Variants in VWC2 observed in about 807,000 individuals in gnomAD.
The protein encoded by VWC2 is brorin.
A neutral mutation model predicts 29.8 loss-of-function variants in VWC2; 14 were observed. The ratio of observed to expected loss-of-function variants is 0.47; its 90% CI spans 0.31 to 0.74. VWC2 has a LOEUF of 0.74. Among genes scored for constraint, VWC2 ranks in the 30% least tolerant of loss-of-function variants. The pLI is 0.05. For missense variants in VWC2, 457 were observed against 459.8 expected (o/e 0.99, Z 0.05); for synonymous variants, 213 against 199.0 (o/e 1.07, Z -0.59).
intron 3 of VWC2, among the ~76,000 whole-genome samples, chr7:49,812,872 T>C (rs989107998): frequency 6.6e-6 from 1 of 152,206 alleles, no homozygotes; most frequent in East Asian, 1.9e-4. Flanking sequence ...TCCTAAATTA[T>C]ATTTTGGTTT....
chr7:49,836,601 T>C (rs1027299946), intron 3 of VWC2, among the ~76,000 whole-genome samples: 6 of 151,562 alleles, frequency 4.0e-5, no homozygotes, highest in African/African-American at 1.5e-4. Context: ...ATCTCCCCAC[T>C]GCACTCCAGC....
chr7:49,785,047 G>A (rs1223426926), intron 2 of VWC2, among the ~76,000 whole-genome samples: 2 of 152,114 alleles, frequency 1.3e-5, no homozygotes, highest in Admixed American at 6.5e-5. Context: ...CATGGGTAAA[G>A]AACAGAAATA....
chr7:49,789,802 C>A (rs553704256), intron 2 of VWC2, among the ~76,000 whole-genome samples: 12 of 152,344 alleles, frequency 7.9e-5, no homozygotes, highest in African/African-American at 2.9e-4. Context: ...ATTTAGGAAT[C>A]TATAAATGAG....
chr7:49,859,790 G>GCGCACA (rs765470720), intron 3 of VWC2, among the ~76,000 whole-genome samples: 4 of 12,024 alleles, frequency 3.3e-4, no homozygotes, highest in Non-Finnish European at 6.9e-4. Flanking sequence ...GCGCGTGCGT[G>GCGCACA]CACACACACA....
At chr7:49,836,996 C>T (rs971016340) in intron 3 of VWC2, among the ~76,000 whole-genome samples, 1 of 152,184 alleles carries the variant, frequency 6.6e-6, no homozygotes, top group African/African-American at 2.4e-5. Flanking sequence ...TATATAGTCA[C>T]TAAATGCTTG....
intron 3 of VWC2, among the ~76,000 whole-genome samples, chr7:49,889,002 G>C (rs932885083): frequency 1.2e-4 from 19 of 152,202 alleles, no homozygotes; most frequent in Non-Finnish European, 2.4e-4. Context: ...CCATTGGGCT[G>C]ACGCAAGTAG....
intron 3 of VWC2, among the ~76,000 whole-genome samples, chr7:49,886,758 G>T (rs1174781871): frequency 3.9e-5 from 6 of 152,132 alleles, no homozygotes; most frequent in East Asian, 1.9e-4. Flanking sequence ...TTTCGATTCA[G>T]CCTTTCTGAA....
At chr7:49,846,944 T>G (rs1789966071) in intron 3 of VWC2, among the ~76,000 whole-genome samples, 1 of 152,220 alleles carries the variant, frequency 6.6e-6, no homozygotes, top group African/African-American at 2.4e-5. Context: ...AATTAGCAGT[T>G]TGACAGATTG....
At position 49,917,400 on chromosome 7, in the gene VWC2, A is replaced by G. The variant is rs967340502; in HGVS notation, c.*5215A>G. ...AGTATTCAGCCAAAGTTTCAATAGA[A>G]TTAGGAAACTTAAATGAAAATGTGC... On this transcript the variant is annotated 3_prime_UTR_variant, in exon 4 of 4. Transcript: ENST00000340652. 3.9e-5 allele frequency: 6 copies of G among 152,216 alleles called. No individual in the cohort carries two copies. The highest frequency in any genetic ancestry group is 1.4e-4 in the African/African-American group (6 of 41,462). 9.4% of individuals were successfully genotyped at this position (152,216 alleles called of 1,614,324 possible). A position where few individuals can be genotyped will look rare whatever the true frequency, so the allele number is the denominator to read the frequency against.
chr7:49,863,412 T>C (rs1372439727), intron 3 of VWC2, among the ~76,000 whole-genome samples: 1 of 152,178 alleles, frequency 6.6e-6, no homozygotes, highest in African/African-American at 2.4e-5. Flanking sequence ...TTTGGCTTTG[T>C]TGATTCTCTC....
intron 3 of VWC2, among the ~76,000 whole-genome samples, chr7:49,844,828 G>A (rs1022876248): frequency 2.0e-5 from 3 of 152,018 alleles, no homozygotes; most frequent in African/African-American, 7.2e-5. Context: ...GAGTAGCTGA[G>A]ATTACAGGTG....
At chr7:49,859,788 G>A (rs1284052819) in intron 3 of VWC2, among the ~76,000 whole-genome samples, 3 of 148,524 alleles carry the variant, frequency 2.0e-5, no homozygotes, top group South Asian at 2.1e-4. Context: ...GTGCGCGTGC[G>A]TGCACACACA....
chr7:49,833,465 A>C (rs1009250407), intron 3 of VWC2, among the ~76,000 whole-genome samples: 1 of 152,214 alleles, frequency 6.6e-6, no homozygotes, highest in Non-Finnish European at 1.5e-5. Context: ...CAAACAAGGA[A>C]GTGGGAGAAC....
At position 49,805,120 on chromosome 7, in the gene VWC2, CA is replaced by C. The variant is rs200476289; in HGVS notation, c.826+2285del. On this transcript the variant is annotated intron_variant, in intron 3 of 3. Transcript: ENST00000340652. Reference sequence around the variant, plus strand: ...TTATATTTTTGAGTAAAAAAATGTACAAAAACTAAACACTTTATAAATATTA... The same window carrying C: ...TTATATTTTTGAGTAAAAAAATGTACAAAACTAAACACTTTATAAATATTA... 5.9e-5 allele frequency among the ~76,000 whole-genome samples: 9 copies of C among 152,246 alleles called. No individual in the cohort carries two copies. In the East Asian group the frequency reaches 1.5e-3, roughly 26 times the overall value.
intron 2 of VWC2, among the ~76,000 whole-genome samples, chr7:49,787,428 C>A (rs772821111): frequency 9.9e-5 from 15 of 152,242 alleles, no homozygotes; most frequent in Admixed American, 2.6e-4. Context: ...TCAAGTAAGT[C>A]ACTATTCTTA....
chr7:49,841,853 G>T (rs985174194), intron 3 of VWC2, among the ~76,000 whole-genome samples: 5 of 152,100 alleles, frequency 3.3e-5, no homozygotes, highest in African/African-American at 1.2e-4. Context: ...CCTAGGAGGA[G>T]AATGTTGTAA....
intron 3 of VWC2, among the ~76,000 whole-genome samples, chr7:49,898,091 C>A (rs1261555006): frequency 1.3e-5 from 2 of 151,900 alleles, no homozygotes; most frequent in Non-Finnish European, 2.9e-5. Context: ...TCCTGTACAA[C>A]CATTATGTAT....
intron 3 of VWC2, among the ~76,000 whole-genome samples, chr7:49,848,462 C>T (rs1790046737): frequency 6.6e-6 from 1 of 152,240 alleles, no homozygotes; most frequent in Admixed American, 6.5e-5. Flanking sequence ...TGTTTCCAGC[C>T]CACCTGCCCA....
chr7:49,911,918 T>TGCACACAC (rs1554344974), intron 3 of VWC2, 116 bp from the exon 4 acceptor site: 1 of 222,948 alleles, frequency 4.5e-6, no homozygotes. Context: ...AACAAACAAA[T>TGCACACAC]ACACGCACAC....
Sources: allele counts gnomAD v4.1 joint callset (sites outside exome capture counted in the v4.1 genomes callset), GRCh38; gene constraint gnomAD v4.1.1; transcripts MANE v1.5; gene names NCBI Gene and HGNC (gene_info 2026-07-23, HGNC 2026-07-21).